The following EAPP variants were observed in gnomAD, a reference collection of about 807,000 sequenced individuals.
The protein encoded by EAPP is E2F associated phosphoprotein.
Under a neutral mutation model 34.3 loss-of-function variants are expected in EAPP, and 38 were observed. That is an observed-to-expected ratio of 1.11 (90% CI 0.85 to 1.45). The LOEUF is 1.45. EAPP is among the 40% of genes most tolerant of loss of function. The pLI, the probability that EAPP is intolerant of heterozygous loss-of-function variation, is 0.00. For missense variants in EAPP, 338 were observed against 343.7 expected, an observed-to-expected ratio of 0.98 and a Z score of 0.13; for synonymous variants, 113 against 117.6, an observed-to-expected ratio of 0.96 and a Z score of 0.25.
At chr14:34,520,894 T>C (rs1006909454) in intron 5 of EAPP, among the ~76,000 whole-genome samples, 7 of 152,072 alleles carry the variant, frequency 4.6e-5, no homozygotes, top group Non-Finnish European at 8.8e-5. Flanking sequence ...CTTTATATGC[T>C]ATTTGCTTCA....
chr14:34,518,400 T>A (rs557414264), intron 5 of EAPP, among the ~76,000 whole-genome samples: 49 of 133,484 alleles, frequency 3.7e-4, no homozygotes, highest in Admixed American at 3.2e-3. Context: ...AATAGCACGA[T>A]CTTGGCTCAC....
Position 34,529,494 on chromosome 14 carries a change from G to A in EAPP, c.353-19C>T. 1.3e-6 allele frequency: 2 copies of A among 1,517,078 alleles called. No individual in the cohort carries two copies. Among genetic ancestry groups the A allele is most frequent in the South Asian group, 1.1e-5 (1 of 88,110 alleles). The allele number at this position is 1,517,078 out of a possible 1,614,324, so 94.0% of individuals were successfully genotyped here. ...ACCTGTACTAATTTTGAAAATATTAGGATATGGCTAAGAATCATGTGTCAA... is the reference window on the plus strand; with the variant it reads ...ACCTGTACTAATTTTGAAAATATTAAGATATGGCTAAGAATCATGTGTCAA... On this transcript the variant is annotated intron_variant, in intron 3 of 5. Transcript: ENST00000250454.
At chr14:34,521,296 G>A (rs531234311) in intron 5 of EAPP, among the ~76,000 whole-genome samples, 7 of 151,416 alleles carry the variant, frequency 4.6e-5, no homozygotes, top group East Asian at 3.9e-4. Flanking sequence ...GTCTCGAACT[G>A]CTGACCTCAG....
chr14:34,525,418 T>C (rs1385630182), intron 4 of EAPP, among the ~76,000 whole-genome samples: 1 of 152,158 alleles, frequency 6.6e-6, no homozygotes, highest in Admixed American at 6.6e-5. Flanking sequence ...CTTGATATAA[T>C]GTGAGGAAAA....
At chr14:34,526,825 T>C (rs1259047248) in intron 4 of EAPP, among the ~76,000 whole-genome samples, 2 of 151,496 alleles carry the variant, frequency 1.3e-5, no homozygotes, top group Non-Finnish European at 2.9e-5. Context: ...TGAGGTATGA[T>C]AGCATCAGTG....
At chr14:34,537,503 G>A (rs1416221192) in intron 1 of EAPP, among the ~76,000 whole-genome samples, 1 of 152,178 alleles carries the variant, frequency 6.6e-6, no homozygotes, top group African/African-American at 2.4e-5. Flanking sequence ...CCCTAGATAT[G>A]CAAGTTAAGT....
chr14:34,530,319 G>A (rs1855284261), intron 3 of EAPP, among the ~76,000 whole-genome samples: 1 of 151,988 alleles, frequency 6.6e-6, no homozygotes, highest in South Asian at 2.1e-4. Context: ...GATCGCTTGA[G>A]GCCAGGAGTT....
chr14:34,537,860 A>G (rs986297209), intron 1 of EAPP, among the ~76,000 whole-genome samples: 1 of 152,208 alleles, frequency 6.6e-6, no homozygotes, highest in African/African-American at 2.4e-5. Context: ...AGCTACCGTG[A>G]AACAGTTAAC....
intron 4 of EAPP, among the ~76,000 whole-genome samples, chr14:34,528,710 C>A (rs1383670076): frequency 6.6e-6 from 1 of 151,508 alleles, no homozygotes; most frequent in Non-Finnish European, 1.5e-5. Flanking sequence ...TATAAGCCAC[C>A]ACCCTGGCCC....
At chr14:34,532,049 C>G (rs1017698363) in intron 3 of EAPP, among the ~76,000 whole-genome samples, 7 of 148,398 alleles carry the variant, frequency 4.7e-5, no homozygotes, top group African/African-American at 1.7e-4. Flanking sequence ...GCACTCCAGC[C>G]TGGGTGACAG....
chr14:34,523,694 A>G (rs937052100), intron 5 of EAPP, among the ~76,000 whole-genome samples: 1 of 151,524 alleles, frequency 6.6e-6, no homozygotes, highest in Non-Finnish European at 1.5e-5. Context: ...ACATCACTAT[A>G]CTCAGCTAAT....
chr14:34,537,123 G>A (rs1247903738), intron 1 of EAPP, among the ~76,000 whole-genome samples: 4 of 151,986 alleles, frequency 2.6e-5, no homozygotes, highest in Admixed American at 6.6e-5. Context: ...CCAACCAACC[G>A]CCTCACCCTC....
At position 34,524,709 on chromosome 14, in the gene EAPP, A is replaced by T. The variant is rs1321570921; in HGVS notation, c.569T>A (p.Leu190His). The T allele has an allele frequency of 1.9e-6, 3 of 1,593,706 alleles. No homozygotes were observed. The highest frequency in any genetic ancestry group is 2.6e-6 in the Non-Finnish European group (3 of 1,166,286). Reference sequence around the variant, plus strand: ...CTTCATCCATTACCTTTGGCAATCAAGGCAAAGTGTGGTCATGCAGGCAGG... The same window carrying T: ...CTTCATCCATTACCTTTGGCAATCATGGCAAAGTGTGGTCATGCAGGCAGG... Reference protein sequence around the residue: ...NCPACMTTLCLDCQRHESYKT... With the variant: ...NCPACMTTLCHDCQRHESYKT... The change falls in exon 5 of 6, where the codon CTT becomes CAT. Residue 190 changes from leucine to histidine, a missense_variant. Leu to His is a moderately conservative substitution (Grantham distance 99, BLOSUM62 -3). Transcript: ENST00000250454.
At chr14:34,531,471 G>C (rs1048094242) in intron 3 of EAPP, among the ~76,000 whole-genome samples, 1 of 151,362 alleles carries the variant, frequency 6.6e-6, no homozygotes, top group African/African-American at 2.4e-5. Flanking sequence ...GCGTGGTGAC[G>C]GGCACCTGTA....
In EAPP at chr14:34,529,346, T is replaced by G. The variant is rs750312621; in HGVS notation, c.470+12A>C. ...TTTCTAAAGATTCTAAATATTAACT[T>G]TAAGTTCTTACCCCCTTCTCTGTGC... On this transcript the variant is annotated intron_variant, in intron 4 of 5. Transcript: ENST00000250454. 6.5e-7 allele frequency: 1 copy of G among 1,535,612 alleles called. No individual in the cohort carries two copies. The highest frequency in any genetic ancestry group is 8.9e-7 in the Non-Finnish European group (1 of 1,117,776).
chr14:34,539,286 A>C (rs762368950), intron 1 of EAPP: 21 of 649,122 alleles, frequency 3.2e-5, no homozygotes, highest in South Asian at 3.1e-4. Flanking sequence ...AGGTGTAGAG[A>C]CAGGTTTCGA....
At chr14:34,526,716 TG>T (rs1205161248) in intron 4 of EAPP, among the ~76,000 whole-genome samples, 2 of 151,146 alleles carry the variant, frequency 1.3e-5, no homozygotes, top group African/African-American at 4.9e-5. Context: ...AGCAAGACCT[TG>T]TGTCTATTAA....
At chr14:34,537,595 G>A (rs1308526036) in intron 1 of EAPP, among the ~76,000 whole-genome samples, 1 of 152,178 alleles carries the variant, frequency 6.6e-6, no homozygotes, top group African/African-American at 2.4e-5. Context: ...CAACCTTGAG[G>A]AATGAGATAA....
chr14:34,525,725 A>G (rs1880071786), intron 4 of EAPP, among the ~76,000 whole-genome samples: 1 of 152,232 alleles, frequency 6.6e-6, no homozygotes, highest in African/African-American at 2.4e-5. Context: ...TTTGATTAAT[A>G]ATAATGTATC....
Sources: gnomAD v4.1 joint callset for allele counts (sites outside exome capture counted in the v4.1 genomes callset) on GRCh38, gnomAD v4.1.1 for gene constraint, MANE v1.5 for transcripts, NCBI Gene and HGNC (gene_info 2026-07-23, HGNC 2026-07-21) for gene names.